The following R3HDM1 variants were observed in gnomAD, a reference collection of about 807,000 sequenced individuals.
R3HDM1 encodes the protein R3H domain-containing protein 1.
In R3HDM1, 46 loss-of-function variants were observed where a neutral mutation model predicts 141.1. That is an observed-to-expected ratio of 0.33 (90% CI 0.26 to 0.42). The LOEUF (loss-of-function observed/expected upper bound fraction) is 0.42, where lower values mean the gene tolerates loss of function less well. R3HDM1 is among the 10% of genes least tolerant of loss of function. The probability of loss-of-function intolerance (pLI) is 1.00; values close to 1 mark genes in which losing one functional copy is unlikely to be tolerated. For missense variants in R3HDM1, 1,184 were observed against 1,368.3 expected, an observed-to-expected ratio of 0.87 and a Z score of 2.12; for synonymous variants, 435 against 472.9, an observed-to-expected ratio of 0.92 and a Z score of 1.04.
intron 21 of R3HDM1, among the ~76,000 whole-genome samples, chr2:135,706,391 G>GTT (rs201950140): frequency 1.4e-5 from 2 of 140,168 alleles, no homozygotes; most frequent in African/African-American, 5.7e-5. Flanking sequence ...TTTTGTTTTT[G>GTT]TTTTTTTTGA....
chr2:135,548,677 G>C (rs925921269), intron 1 of R3HDM1, among the ~76,000 whole-genome samples: 1 of 151,648 alleles, frequency 6.6e-6, no homozygotes, highest in African/African-American at 2.4e-5. Context: ...AAATGATACA[G>C]TATATACTCT....
At chr2:135,539,528 G>T (rs925274905) in intron 1 of R3HDM1, among the ~76,000 whole-genome samples, 3 of 152,074 alleles carry the variant, frequency 2.0e-5, no homozygotes, top group African/African-American at 4.8e-5. Context: ...AACTAGAATG[G>T]ATCCCAAAAG....
chr2:135,602,042 T>G (rs938543575), intron 1 of R3HDM1, among the ~76,000 whole-genome samples: 1 of 152,016 alleles, frequency 6.6e-6, no homozygotes, highest in Non-Finnish European at 1.5e-5. Context: ...ATTTTTGTTT[T>G]ATTTTTTCTT....
At chr2:135,582,499 G>T (rs1411492923) in intron 1 of R3HDM1, among the ~76,000 whole-genome samples, 1 of 152,088 alleles carries the variant, frequency 6.6e-6, no homozygotes, top group East Asian at 1.9e-4. Flanking sequence ...GAAATGCCTT[G>T]GTCGTTTTGT....
chr2:135,541,865 A>AG (rs1559087402), intron 1 of R3HDM1, among the ~76,000 whole-genome samples: 12 of 150,494 alleles, frequency 8.0e-5, no homozygotes, highest in African/African-American at 2.4e-4. Context: ...AAAAAAAAAA[A>AG]AAAAAAGAAA....
At position 135,636,016 on chromosome 2, in the gene R3HDM1, T is replaced by C. The variant is rs1351184118; in HGVS notation, c.807+18T>C. The C allele has an allele frequency of 6.2e-7, 1 of 1,608,696 alleles. No homozygotes were observed. The stretch of plus-strand genomic sequence containing the variant: ...ATAACCAGGTAATCTAGAACAATTG[T>C]AGGATTTGTATAGGTGCAAGACATA... On this transcript the variant is annotated intron_variant, in intron 10 of 26. Transcript: ENST00000683871.
At chr2:135,612,625 CA>C (rs1427161449) in intron 3 of R3HDM1, among the ~76,000 whole-genome samples, 1 of 152,080 alleles carries the variant, frequency 6.6e-6, no homozygotes, top group African/African-American at 2.4e-5. Flanking sequence ...CAGTATAAAA[CA>C]ATGTAAATTA....
At chr2:135,595,234 A>G (rs1336739722) in intron 1 of R3HDM1, among the ~76,000 whole-genome samples, 1 of 152,146 alleles carries the variant, frequency 6.6e-6, no homozygotes, top group Admixed American at 6.6e-5. Flanking sequence ...TATTTCCTAT[A>G]TTTAGTGGTA....
chr2:135,685,380 A>C (rs2071154250), intron 21 of R3HDM1, among the ~76,000 whole-genome samples: 1 of 152,008 alleles, frequency 6.6e-6, no homozygotes, highest in South Asian at 2.1e-4. Context: ...ACATACACAC[A>C]CTCAAATTGA....
intron 1 of R3HDM1, among the ~76,000 whole-genome samples, chr2:135,598,012 A>G (rs2059333991): frequency 6.6e-6 from 1 of 152,170 alleles, no homozygotes; most frequent in Admixed American, 6.5e-5. Context: ...TGTTGTTAAT[A>G]CTTCTAACTA....
intron 16 of R3HDM1, among the ~76,000 whole-genome samples, chr2:135,646,285 G>A (rs573211615): frequency 3.3e-5 from 5 of 151,570 alleles, no homozygotes; most frequent in South Asian, 2.1e-4. Flanking sequence ...ACAGGCAGCC[G>A]CCACCACGCC....
chr2:135,626,444 G>A (rs987622973), intron 7 of R3HDM1, among the ~76,000 whole-genome samples: 1 of 152,056 alleles, frequency 6.6e-6, no homozygotes, highest in Non-Finnish European at 1.5e-5. Flanking sequence ...TAGGGTGGTG[G>A]GAACCAGAAC....
rs1559466716 is a variant in R3HDM1, at chr2:135,699,054, AAGATAGATT to A, written c.2460-10378_2460-10370del. On this transcript the variant is annotated intron_variant, in intron 21 of 26. Transcript: ENST00000683871. ...AGATAGATAGATAGATAAGATAGAT[AAGATAGATT>A]GATTAGATAGATTAGATAGATAGAT... Among the ~76,000 whole-genome samples, 50 of 93,842 alleles carry A rather than the reference AAGATAGATT, an allele frequency of 5.3e-4. 1 individual carries two copies. The highest frequency in any genetic ancestry group is 1.6e-3 in the African/African-American group (40 of 24,442). 61.6% of individuals were successfully genotyped at this position (93,842 alleles called of 152,430 possible). A position where few individuals can be genotyped will look rare whatever the true frequency, so the allele number is the denominator to read the frequency against.
chr2:135,708,528 T>G (rs532594473), intron 21 of R3HDM1, among the ~76,000 whole-genome samples: 1 of 152,338 alleles, frequency 6.6e-6, no homozygotes, highest in African/African-American at 2.4e-5. Flanking sequence ...CAATAGAGTT[T>G]TAGATATAAA....
chr2:135,620,443 G>T, intron 5 of R3HDM1: 1 of 929,078 alleles, frequency 1.1e-6, no homozygotes, highest in Non-Finnish European at 1.3e-6. Context: ...AAGACAGAGA[G>T]TGCAAAAAGC....
chr2:135,662,785 G>C (rs1333944467), intron 19 of R3HDM1, among the ~76,000 whole-genome samples: 3 of 152,072 alleles, frequency 2.0e-5, no homozygotes, highest in Non-Finnish European at 4.4e-5. Context: ...GTTTTATTCA[G>C]AAACAATTTT....
chr2:135,635,780 A>G, intron 9 of R3HDM1, 110 bp from the exon 10 acceptor site: 2 of 1,366,872 alleles, frequency 1.5e-6, no homozygotes, highest in South Asian at 1.6e-5. Flanking sequence ...GATGGCACTA[A>G]AAAGTGGTAA....
rs1357377533 is a variant in R3HDM1, at chr2:135,622,107, T to G, written c.418+499T>G. On this transcript the variant is annotated intron_variant, in intron 6 of 26. Transcript: ENST00000683871. ...TTATGTTGACCAGTATTATAAATAGTATAAAGATACTACATTTAAGGCGAA... is the reference window on the plus strand; with the variant it reads ...TTATGTTGACCAGTATTATAAATAGGATAAAGATACTACATTTAAGGCGAA... 11 of 981,634 alleles carry G rather than the reference T, an allele frequency of 1.1e-5. No individual in the cohort carries two copies. The East Asian group carries it at 3.4e-4, about 30-fold the overall frequency. 60.8% of individuals were successfully genotyped at this position (981,634 alleles called of 1,614,324 possible).
At chr2:135,672,552 CG>C (rs1377615901) in intron 19 of R3HDM1, among the ~76,000 whole-genome samples, 1 of 152,064 alleles carries the variant, frequency 6.6e-6, no homozygotes, top group African/African-American at 2.4e-5. Flanking sequence ...TATCCTCATA[CG>C]GTATGGTGGC....
Sources: allele counts gnomAD v4.1 joint callset (sites outside exome capture counted in the v4.1 genomes callset), GRCh38; gene constraint gnomAD v4.1.1; transcripts MANE v1.5; gene names NCBI Gene and HGNC (gene_info 2026-07-23, HGNC 2026-07-21).